CR2: variants seen among roughly 807,000 people sequenced by gnomAD.
CR2 encodes complement receptor type 2.
A neutral mutation model predicts 123.0 loss-of-function variants in CR2; 96 were observed. That is an observed-to-expected ratio of 0.78 (90% CI 0.66 to 0.93). The LOEUF is 0.93. CR2 is among the 40% of genes least tolerant of loss of function. The pLI is 0.00. For synonymous variants in CR2, 484 were observed against 469.5 expected (o/e 1.03, Z -0.40); for missense variants, 1,258 against 1,361.0 (o/e 0.92, Z 1.19).
intron 1 of CR2, among the ~76,000 whole-genome samples, chr1:207,459,699 A>G (rs543962395): frequency 2.0e-5 from 3 of 152,338 alleles, no homozygotes; most frequent in South Asian, 4.1e-4. Context: ...CAATCCAGTC[A>G]TGATCTCCTC....
intron 18 of CR2, among the ~76,000 whole-genome samples, chr1:207,484,795 A>G (rs530248520): frequency 5.1e-4 from 77 of 152,254 alleles, no homozygotes; most frequent in Admixed American, 2.0e-3. Context: ...AAGGAAAGTA[A>G]AAACATTCTC....
intron 14 of CR2, 35 bp downstream of exon 14, chr1:207,475,251 T>G (rs1297219971): frequency 1.9e-6 from 3 of 1,610,498 alleles, no homozygotes; most frequent in Non-Finnish European, 2.5e-6. Context: ...TATGGGATGT[T>G]GTACAGAATA....
At chr1:207,459,600 T>G (rs1657918901) in intron 1 of CR2, among the ~76,000 whole-genome samples, 1 of 152,200 alleles carries the variant, frequency 6.6e-6, no homozygotes, top group Non-Finnish European at 1.5e-5. Context: ...ATATCTCTGT[T>G]CATTTAACTC....
At chr1:207,465,510 T>C (rs1572949985) in intron 1 of CR2, among the ~76,000 whole-genome samples, 1 of 152,200 alleles carries the variant, frequency 6.6e-6, no homozygotes, top group Admixed American at 6.5e-5. Flanking sequence ...AGATGTTAAA[T>C]TGATTCAGTT....
chr1:207,460,133 G>T lies in CR2; in HGVS notation c.58+5657G>T, dbSNP rs570981430. On this transcript the variant is annotated intron_variant, in intron 1 of 19. Transcript: ENST00000367057. ...TTTACATTTGATAATTACAGATTAA[G>T]TCACTTGACTAGAGTCACTAGTACA... Among the ~76,000 whole-genome samples the T allele has an allele frequency of 2.2e-3, 340 of 152,262 alleles. 2 individuals are homozygous for T. Among genetic ancestry groups the T allele is most frequent in the African/African-American group, 7.9e-3 (330 of 41,568 alleles).
At chr1:207,473,200 A>C (rs774435427) in intron 10 of CR2, 21 bp downstream of exon 10, 1 of 1,609,026 alleles carries the variant, frequency 6.2e-7, no homozygotes, top group Admixed American at 1.7e-5. Context: ...AATAAGGGGG[A>C]AAAAAGGAGA....
At chr1:207,470,970 A>T in intron 7 of CR2, 27 bp from the exon 8 acceptor site, 1 of 1,613,856 alleles carries the variant, frequency 6.2e-7, no homozygotes. Flanking sequence ...CCTTGAATTA[A>T]ATTCTCATCC....
At position 207,473,594 on chromosome 1, in the gene CR2, T is replaced by C; in HGVS notation, c.2028T>C (p.Asn676=). 1 of 1,613,990 alleles carries C rather than the reference T, an allele frequency of 6.2e-7. No homozygotes were observed. Among genetic ancestry groups the C allele is most frequent in the East Asian group, 2.2e-5 (1 of 44,890 alleles). The change falls in exon 11 of 20, where the codon AAT becomes AAC. Residue 676 remains asparagine, a synonymous_variant. Transcript: ENST00000367057. The part of the protein sequence containing the change: ...GLHHGRHTGG[N]TVFFVSGMTV... Reference sequence around the variant, plus strand: ...ACCATGGTCGTCATACAGGTGGAAATACGGTCTTCTTTGTCTCTGGGATGA... The same window carrying C: ...ACCATGGTCGTCATACAGGTGGAAACACGGTCTTCTTTGTCTCTGGGATGA...
At chr1:207,471,703 T>G (rs911408375) in intron 9 of CR2, among the ~76,000 whole-genome samples, 1 of 152,212 alleles carries the variant, frequency 6.6e-6, no homozygotes, top group Admixed American at 6.5e-5. Context: ...ACTTTGTTAC[T>G]GATTCTATTT....
At chr1:207,463,529 T>C (rs1451979654) in intron 1 of CR2, among the ~76,000 whole-genome samples, 1 of 152,162 alleles carries the variant, frequency 6.6e-6, no homozygotes, top group African/African-American at 2.4e-5. Context: ...GAGTCCTTAA[T>C]CTGTCACCCC....
intron 18 of CR2, among the ~76,000 whole-genome samples, chr1:207,481,497 C>T (rs1658601467): frequency 6.6e-6 from 1 of 152,002 alleles, no homozygotes; most frequent in Non-Finnish European, 1.5e-5. Context: ...TTGAAATTTT[C>T]TTCTATTTAT....
chr1:207,467,703 G>A (rs1263088118), intron 2 of CR2, among the ~76,000 whole-genome samples: 1 of 152,182 alleles, frequency 6.6e-6, no homozygotes, highest in Non-Finnish European at 1.5e-5. Flanking sequence ...TAGCCTTGGA[G>A]GAAGGAGATC....
At position 207,470,018 on chromosome 1, in the gene CR2, T is replaced by C. The variant is rs1432060847; in HGVS notation, c.1141T>C (p.Phe381Leu). 6.2e-7 allele frequency: 1 copy of C among 1,613,874 alleles called. No individual in the cohort carries two copies. Among genetic ancestry groups the C allele is most frequent in the Non-Finnish European group, 8.5e-7 (1 of 1,179,922 alleles). ...YNDTVIFACMFGFTLKGSKQI... is the reference protein window; with the variant it reads ...YNDTVIFACMLGFTLKGSKQI... The stretch of plus-strand genomic sequence containing the variant: ...CGACACTGTGATATTTGCTTGCATG[T>C]TTGGCTTCACCTTGAAGGGCAGCAA... The change falls in exon 6 of 20, where the codon TTT becomes CTT. Residue 381 changes from phenylalanine (F) to leucine (L), a missense_variant. By Grantham distance (22) the Phe-to-Leu change is conservative (BLOSUM62 0). Coordinates refer to ENST00000367057, the MANE Select transcript of CR2 (RefSeq NM_001006658.3).
chr1:207,470,711 T>C, intron 6 of CR2, 29 bp from the exon 7 acceptor site: 1 of 1,609,040 alleles, frequency 6.2e-7, no homozygotes, highest in Non-Finnish European at 8.5e-7. Flanking sequence ...ACTTAAGCAG[T>C]TATGTTTTGT....
At chr1:207,463,575 C>A (rs922907018) in intron 1 of CR2, among the ~76,000 whole-genome samples, 1 of 152,130 alleles carries the variant, frequency 6.6e-6, no homozygotes, top group Non-Finnish European at 1.5e-5. Context: ...CTCTGCTATT[C>A]TTTCAGTAGA....
At chr1:207,477,733 C>G in intron 15 of CR2, 152 bp from the exon 16 acceptor site, 1 of 686,108 alleles carries the variant, frequency 1.5e-6, no homozygotes, top group Non-Finnish European at 2.6e-6. Flanking sequence ...AAGATTGTGT[C>G]TAGGATATAG....
At chr1:207,461,209 T>C (rs1437309761) in intron 1 of CR2, among the ~76,000 whole-genome samples, 1 of 152,082 alleles carries the variant, frequency 6.6e-6, no homozygotes, top group African/African-American at 2.4e-5. Context: ...AATCAAAACA[T>C]ATGTAATCAT....
chr1:207,472,859 C>T lies in CR2; in HGVS notation c.1658C>T (p.Thr553Ile), dbSNP rs973980546. 2 of 1,614,052 alleles carry T rather than the reference C, an allele frequency of 1.2e-6. No individual in the cohort carries two copies. Among genetic ancestry groups the T allele is most frequent in the Admixed American group, 1.7e-5 (1 of 59,982 alleles). Reference protein sequence around the residue: ...LEDFPYGTTVTYTCNPGPERG... With the variant: ...LEDFPYGTTVIYTCNPGPERG... ...GATTTTCCATATGGAACCACGGTCA[C>T]TTACACATGTAACCCTGGGCCAGAA... The change falls in exon 10 of 20, where the codon ACT (threonine) becomes ATT (isoleucine). Residue 553 changes from threonine to isoleucine, a missense_variant. Transcript: ENST00000367057.
At chr1:207,466,391 G>A in intron 1 of CR2, 135 bp from the exon 2 acceptor site, 2 of 1,012,476 alleles carry the variant, frequency 2.0e-6, no homozygotes, top group Non-Finnish European at 3.0e-6. Flanking sequence ...AGTAAGCAGG[G>A]AATAAATAAA....
Sources: gnomAD v4.1 joint callset for allele counts (sites outside exome capture counted in the v4.1 genomes callset) on GRCh38, gnomAD v4.1.1 for gene constraint, MANE v1.5 for transcripts, NCBI Gene and HGNC (gene_info 2026-07-23, HGNC 2026-07-21) for gene names.